The following RPRD1A variants were observed in gnomAD, a reference collection of about 807,000 sequenced individuals.
RPRD1A encodes the protein regulation of nuclear pre-mRNA domain-containing protein 1A.
In RPRD1A, 9 loss-of-function variants were observed where a neutral mutation model predicts 37.8. The ratio of observed to expected loss-of-function variants is 0.24; its 90% CI spans 0.14 to 0.42. The LOEUF is 0.42. Among genes scored for constraint, RPRD1A ranks in the 10% least tolerant of loss-of-function variants. The pLI, the probability that RPRD1A is intolerant of heterozygous loss-of-function variation, is 1.00. For synonymous variants in RPRD1A, 138 were observed against 139.7 expected, an observed-to-expected ratio of 0.99 and a Z score of 0.08; for missense variants, 255 against 371.0, an observed-to-expected ratio of 0.69 and a Z score of 2.57.
chr18:36,018,387 C>T (rs1405067128), intron 6 of RPRD1A, among the ~76,000 whole-genome samples: 8 of 152,088 alleles, frequency 5.3e-5, no homozygotes, highest in African/African-American at 1.7e-4. Flanking sequence ...CATTCTCCTG[C>T]CTCACACTCC....
chr18:35,993,857 C>G (rs766139634), intron 6 of RPRD1A, among the ~76,000 whole-genome samples: 3 of 152,324 alleles, frequency 2.0e-5, no homozygotes, highest in Admixed American at 6.5e-5. Flanking sequence ...GGTGCTGAAG[C>G]TAAGTCCTGA....
chr18:35,995,009 C>T (rs1427711274), intron 6 of RPRD1A, among the ~76,000 whole-genome samples: 1 of 152,136 alleles, frequency 6.6e-6, no homozygotes, highest in African/African-American at 2.4e-5. Context: ...AATCACAGTA[C>T]ACACAGGAAG....
At chr18:36,008,571 G>A (rs771880698) in intron 6 of RPRD1A, among the ~76,000 whole-genome samples, 4,783 of 27,344 alleles carry the variant, frequency 0.17, 241 homozygotes, top group Middle Eastern at 0.24. Context: ...GCAAGACCTT[G>A]TGTGTGTATA....
At chr18:36,045,718 G>A (rs569281704) in intron 1 of RPRD1A, among the ~76,000 whole-genome samples, 1 of 152,308 alleles carries the variant, frequency 6.6e-6, no homozygotes, top group Admixed American at 6.5e-5. Flanking sequence ...AGTGAATAAT[G>A]TGACATTATT....
intron 6 of RPRD1A, among the ~76,000 whole-genome samples, chr18:36,014,959 G>T (rs1235872169): frequency 1.3e-5 from 2 of 152,062 alleles, no homozygotes; most frequent in Admixed American, 1.3e-4. Flanking sequence ...TGTTGGTGAG[G>T]ATGTGGAGAA....
At position 36,030,840 on chromosome 18, in the gene RPRD1A, AAC is replaced by A; in HGVS notation, c.452_453del (p.Cys151PhefsTer8). 3.1e-6 allele frequency: 5 copies of A among 1,613,250 alleles called. No homozygotes were observed. Among genetic ancestry groups the A allele is most frequent in the Non-Finnish European group, 4.2e-6 (5 of 1,179,400 alleles). Reference sequence around the variant, plus strand: ...GGTTCACTTGGAGATCCCAGAGAGGAACAGTTTTCATTTTCATCCACCTTTAT... The same window carrying A: ...GGTTCACTTGGAGATCCCAGAGAGGAAGTTTTCATTTTCATCCACCTTTAT... ...EQIKVDENEN[C>X]SSLGSPSEPP... is the part of the protein sequence containing the mutation. On this transcript the variant is annotated frameshift_variant, in exon 4 of 7. Transcript: ENST00000399022. LOFTEE classifies it high-confidence loss of function.
chr18:36,008,430 GCC>G (rs1909899427), intron 6 of RPRD1A, among the ~76,000 whole-genome samples: 1 of 151,132 alleles, frequency 6.6e-6, no homozygotes, highest in African/African-American at 2.4e-5. Context: ...ACAAAAATTA[GCC>G]AGGCATGGTA....
intron 6 of RPRD1A, among the ~76,000 whole-genome samples, chr18:35,993,881 A>G (rs956689874): frequency 5.9e-5 from 9 of 152,208 alleles, no homozygotes; most frequent in Non-Finnish European, 1.0e-4. Context: ...AGAGCAGGGA[A>G]GAGCCTGGGG....
intron 1 of RPRD1A, among the ~76,000 whole-genome samples, chr18:36,063,295 A>G (rs2088953180): frequency 6.6e-6 from 1 of 151,958 alleles, no homozygotes; most frequent in Admixed American, 6.6e-5. Context: ...TGACCCCCCA[A>G]CCTCAGCCTC....
intron 6 of RPRD1A, among the ~76,000 whole-genome samples, chr18:36,006,361 A>G (rs767736620): frequency 6.6e-6 from 1 of 152,112 alleles, no homozygotes; most frequent in Non-Finnish European, 1.5e-5. Context: ...AAAAAATATT[A>G]TGTAGAGACA....
At position 36,010,085 on chromosome 18, in the gene RPRD1A, T is replaced by A. The variant is rs576420294; in HGVS notation, c.790-16785A>T. ...TACTATATAATATGGTATGATATGT[T>A]AGTTATTTAATATAAGGACAGAATA... On this transcript the variant is annotated intron_variant, in intron 6 of 6. Coordinates refer to ENST00000399022, the MANE Select transcript of RPRD1A (RefSeq NM_018170.5). Among the ~76,000 whole-genome samples the A allele has an allele frequency of 2.5e-3, 367 of 146,752 alleles. 3 individuals carry two copies. The highest frequency in any genetic ancestry group is 5.4e-4 in the Non-Finnish European group (37 of 67,982).
chr18:36,029,963 G>A (rs1290736303), intron 4 of RPRD1A, among the ~76,000 whole-genome samples: 3 of 151,314 alleles, frequency 2.0e-5, no homozygotes, highest in African/African-American at 7.3e-5. Context: ...CCGCCACCAC[G>A]CCCAGCTAAT....
intron 6 of RPRD1A, among the ~76,000 whole-genome samples, chr18:36,021,038 G>A (rs1478573102): frequency 3.3e-5 from 5 of 152,060 alleles, no homozygotes; most frequent in South Asian, 2.1e-4. Flanking sequence ...AAGATTACAC[G>A]ATTCCTGAAA....
At chr18:36,047,364 T>C (rs902477751) in intron 1 of RPRD1A, among the ~76,000 whole-genome samples, 3 of 151,942 alleles carry the variant, frequency 2.0e-5, no homozygotes, top group African/African-American at 4.8e-5. Flanking sequence ...AAGGTACACA[T>C]GAAAAAAGAC....
chr18:36,001,398 C>G (rs929195898), intron 6 of RPRD1A, among the ~76,000 whole-genome samples: 3 of 152,166 alleles, frequency 2.0e-5, no homozygotes, highest in South Asian at 2.1e-4. Context: ...TACTCAAATT[C>G]AAATGAGGAA....
At chr18:36,053,581 G>A (rs1366967757) in intron 1 of RPRD1A, among the ~76,000 whole-genome samples, 8 of 152,138 alleles carry the variant, frequency 5.3e-5, no homozygotes, top group Admixed American at 5.2e-4. Context: ...TGAACATGCA[G>A]GTTGTTTCAA....
At chr18:36,042,803 G>A (rs373086824) in intron 1 of RPRD1A, among the ~76,000 whole-genome samples, 1 of 152,122 alleles carries the variant, frequency 6.6e-6, no homozygotes, top group South Asian at 2.1e-4. Flanking sequence ...GTATGGGTGA[G>A]ATGACCAAAT....
intron 6 of RPRD1A, among the ~76,000 whole-genome samples, chr18:36,023,020 TGAA>T (rs1911113375): frequency 6.6e-6 from 1 of 152,206 alleles, no homozygotes; most frequent in Admixed American, 6.5e-5. Context: ...AGAGCTCTGA[TGAA>T]GATGTACAAT....
intron 1 of RPRD1A, among the ~76,000 whole-genome samples, chr18:36,047,540 A>G (rs1913045118): frequency 6.6e-6 from 1 of 152,160 alleles, no homozygotes; most frequent in Non-Finnish European, 1.5e-5. Context: ...GAAGCAAAGA[A>G]CTGGTTATTT....
Sources: gnomAD v4.1 joint callset for allele counts (sites outside exome capture counted in the v4.1 genomes callset) on GRCh38, gnomAD v4.1.1 for gene constraint, MANE v1.5 for transcripts, NCBI Gene and HGNC (gene_info 2026-07-23, HGNC 2026-07-21) for gene names.